The following TOM1 variants were observed in gnomAD, a reference collection of about 807,000 sequenced individuals.
The protein encoded by TOM1 is target of Myb protein 1.
Under a neutral mutation model 61.3 loss-of-function variants are expected in TOM1, and 38 were observed. The observed-to-expected ratio is 0.62, with a 90% CI of 0.48 to 0.81. The LOEUF (loss-of-function observed/expected upper bound fraction) is 0.81, where lower values mean the gene tolerates loss of function less well. TOM1 is among the 40% of genes least tolerant of loss of function. The probability of loss-of-function intolerance (pLI) is 0.00; values close to 1 mark genes in which losing one functional copy is unlikely to be tolerated. For missense variants in TOM1, 591 were observed against 659.6 expected (o/e 0.90, Z 1.14); for synonymous variants, 270 against 268.8 (o/e 1.00, Z -0.04).
chr22:35,345,604 G>A, intron 12 of TOM1, 121 bp from the exon 13 acceptor site: 2 of 964,802 alleles, frequency 2.1e-6, no homozygotes, highest in Non-Finnish European at 1.6e-6. Context: ...GGTCCGGGCA[G>A]CTAGGCAGCT....
intron 1 of TOM1, among the ~76,000 whole-genome samples, chr22:35,312,543 T>G (rs1435323124): frequency 1.3e-5 from 2 of 152,254 alleles, no homozygotes; most frequent in Non-Finnish European, 2.9e-5. Flanking sequence ...TTGAATCTGC[T>G]GTGCATCTCA....
chr22:35,302,129 A>G (rs903361672), intron 1 of TOM1, among the ~76,000 whole-genome samples: 4 of 152,094 alleles, frequency 2.6e-5, no homozygotes, highest in Non-Finnish European at 5.9e-5. Flanking sequence ...ACTAAATCAT[A>G]ATACCTTAAA....
intron 8 of TOM1, chr22:35,331,226 G>A: frequency 2.4e-6 from 1 of 413,586 alleles, no homozygotes; most frequent in Non-Finnish European, 4.7e-6. Context: ...CTGCCAGGTA[G>A]CCGGGACTAC....
intron 1 of TOM1, among the ~76,000 whole-genome samples, chr22:35,302,791 A>G (rs1179667003): frequency 1.3e-5 from 2 of 152,208 alleles, no homozygotes; most frequent in Non-Finnish European, 2.9e-5. Context: ...AGTCATTGAA[A>G]TTTAAACCAA....
In TOM1 at chr22:35,334,550, C is replaced by T. The variant is rs369412767; in HGVS notation, c.1148+102C>T. On this transcript the variant is annotated intron_variant, in intron 11 of 14. Transcript: ENST00000449058. The stretch of plus-strand genomic sequence containing the variant: ...CACACCATGAGGAAGGGCACACGGA[C>T]CCTGCTTAGTAAGCACGCCCTTAGT... 7.0e-6 allele frequency: 10 copies of T among 1,431,982 alleles called. No individual in the cohort carries two copies. In the South Asian group the frequency reaches 1.0e-4, roughly 15 times the overall value. 88.7% of individuals were successfully genotyped at this position (1,431,982 alleles called of 1,614,324 possible).
At chr22:35,305,805 G>A (rs1013514363) in intron 1 of TOM1, among the ~76,000 whole-genome samples, 2 of 152,186 alleles carry the variant, frequency 1.3e-5, no homozygotes, top group Non-Finnish European at 2.9e-5. Context: ...AGATGGAACT[G>A]GCTGCCTTGT....
In TOM1 at chr22:35,323,169, C is replaced by G; in HGVS notation, c.358C>G (p.Leu120Val). ...CATCGTGCATGACAAAGTGCTCAAC[C>G]TCATCCAGGTGAGTGCCAGGACAGG... ...PTIVHDKVLN[L>V]IQSWADAFRS... The change falls in exon 4 of 15, where the codon CTC becomes GTC. Residue 120 changes from leucine (L) to valine (V), a missense_variant. By Grantham distance (32) the Leu-to-Val change is conservative. Transcript: ENST00000449058. The surrounding 1 kb of genome is among the most constrained non-coding windows in gnomAD (Gnocchi z 4.2). 1 of 1,613,862 alleles carries G rather than the reference C, an allele frequency of 6.2e-7. No individual in the cohort carries two copies. The highest frequency in any genetic ancestry group is 8.5e-7 in the Non-Finnish European group (1 of 1,180,024).
intron 11 of TOM1, chr22:35,335,650 T>G (rs1478478818): frequency 6.5e-6 from 1 of 154,882 alleles, no homozygotes; most frequent in Non-Finnish European, 1.5e-5. Context: ...GGTATGCTGT[T>G]GCGCTGTCCT....
intron 6 of TOM1, 49 bp from the exon 7 acceptor site, chr22:35,327,222 G>T: frequency 6.4e-7 from 1 of 1,558,008 alleles, no homozygotes. Context: ...TGAGTAACAT[G>T]GGCCCCAGAA....
chr22:35,341,083 G>A (rs1929840017), intron 12 of TOM1, among the ~76,000 whole-genome samples: 1 of 152,184 alleles, frequency 6.6e-6, no homozygotes, highest in Admixed American at 6.5e-5. Context: ...TCCTTTTTCG[G>A]GTGTAAGCCA....
In TOM1 at chr22:35,323,290, C is replaced by T. The variant is rs112053870; in HGVS notation, c.366+113C>T. The T allele has an allele frequency of 3.8e-4, 561 of 1,463,010 alleles. 5 individuals carry two copies. In the African/African-American group the frequency reaches 7.0e-3, roughly 18 times the overall value. The allele number at this position is 1,463,010 out of a possible 1,614,324, so 90.6% of individuals were successfully genotyped here. A position where few individuals can be genotyped will look rare whatever the true frequency, so the allele number is the denominator to read the frequency against. ...TTGTCCCAGGCTCCGCTTCTCATTT[C>T]GGGGCGTCTCGGTTGTCGGCTGGTG... is the stretch of plus-strand genomic sequence containing the variant. On this transcript the variant is annotated intron_variant, in intron 4 of 14. Coordinates refer to ENST00000449058, the MANE Select transcript of TOM1 (RefSeq NM_005488.3). This position sits in a 1 kb window ranked among gnomAD's most constrained non-coding sequence, Gnocchi z 4.2.
chr22:35,304,916 G>A (rs1926182704), intron 1 of TOM1, among the ~76,000 whole-genome samples: 1 of 152,350 alleles, frequency 6.6e-6, no homozygotes, highest in South Asian at 2.1e-4. Flanking sequence ...GTAAATATGG[G>A]CAGTCCCTGG....
chr22:35,334,066 C>T (rs575482713), intron 10 of TOM1, among the ~76,000 whole-genome samples: 1 of 152,342 alleles, frequency 6.6e-6, no homozygotes, highest in Admixed American at 6.5e-5. Flanking sequence ...GCCACTTCCC[C>T]AGCAGAATCA....
chr22:35,333,484 G>C lies in TOM1; in HGVS notation c.1014G>C (p.Gln338His), dbSNP rs750646372. ...CAGCCACCGGCAACCTCTCATCCCA[G>C]CTGGCAGGAATGAGTAAGTGTGGTT... ...DPAATGNLSS[Q>H]LAGMNLGSSS... The change falls in exon 10 of 15, where the codon CAG (glutamine) becomes CAC (histidine). Residue 338 changes from glutamine (Q) to histidine (H), a missense_variant. By Grantham distance (24) the Gln-to-His change is conservative. Transcript: ENST00000449058. 1 of 1,614,170 alleles carries C rather than the reference G, an allele frequency of 6.2e-7. No individual in the cohort carries two copies. Among genetic ancestry groups the C allele is most frequent in the South Asian group, 1.1e-5 (1 of 91,082 alleles).
intron 12 of TOM1, 151 bp downstream of exon 12, chr22:35,338,939 G>A (rs1929630038): frequency 1.4e-6 from 1 of 717,594 alleles, no homozygotes; most frequent in Non-Finnish European, 2.2e-6. Context: ...TTTTTGGCTA[G>A]TGTGGTTATT....
rs541930521 is a variant in TOM1, at chr22:35,309,387, T to C, written c.53-8490T>C. On this transcript the variant is annotated intron_variant, in intron 1 of 14. Coordinates refer to ENST00000449058, the MANE Select transcript of TOM1 (RefSeq NM_005488.3). ...GGCCAGGCGCAGTGGCTCACACCTG[T>C]AATCCCAGCACTTTGGGAGGCCAAG... Among the ~76,000 whole-genome samples the C allele has an allele frequency of 2.6e-4, 39 of 152,302 alleles. 1 individual carries two copies. In the Middle Eastern group the frequency reaches 0.014, roughly 53 times the overall value.
chr22:35,317,307 A>G (rs991334933), intron 1 of TOM1, among the ~76,000 whole-genome samples: 4 of 152,058 alleles, frequency 2.6e-5, no homozygotes, highest in African/African-American at 9.7e-5. Context: ...CTCCTGCCTC[A>G]GCCTCCCAAG....
intron 2 of TOM1, among the ~76,000 whole-genome samples, chr22:35,321,583 G>A (rs1464622293): frequency 6.6e-6 from 1 of 152,016 alleles, no homozygotes; most frequent in East Asian, 1.9e-4. Flanking sequence ...ATTTTTAGTA[G>A]AGACAGGGTT....
At chr22:35,316,845 C>G (rs1244303229) in intron 1 of TOM1, among the ~76,000 whole-genome samples, 1 of 152,172 alleles carries the variant, frequency 6.6e-6, no homozygotes, top group South Asian at 2.1e-4. Context: ...CCGTACCGTG[C>G]TGATACCTTG....
Sources: gnomAD v4.1 joint callset for allele counts (sites outside exome capture counted in the v4.1 genomes callset) on GRCh38, gnomAD v4.1.1 for gene constraint, Gnocchi (gnomAD v3.1) non-coding constraint, MANE v1.5 for transcripts, NCBI Gene and HGNC (gene_info 2026-07-23, HGNC 2026-07-21) for gene names.